Variants in IMMP2L observed in about 807,000 individuals in gnomAD.
The protein encoded by IMMP2L is mitochondrial inner membrane protease subunit 2.
A neutral mutation model predicts 19.3 loss-of-function variants in IMMP2L; 18 were observed. The observed-to-expected ratio is 0.93, with a 90% CI of 0.64 to 1.38. IMMP2L has a LOEUF of 1.38. IMMP2L is among the 40% of genes most tolerant of loss of function. IMMP2L has a pLI of 0.00. For synonymous variants in IMMP2L, 76 were observed against 73.0 expected (o/e 1.04, Z -0.21); for missense variants, 233 against 218.2 (o/e 1.07, Z -0.43).
At chr7:110,839,582 G>A (rs568367152) in intron 5 of IMMP2L, among the ~76,000 whole-genome samples, 21 of 152,102 alleles carry the variant, frequency 1.4e-4, no homozygotes, top group Non-Finnish European at 2.9e-4. Context: ...ATTTGAGACA[G>A]TGCAATGAAG....
chr7:111,503,660 T>C (rs1844555920), intron 2 of IMMP2L, among the ~76,000 whole-genome samples: 1 of 152,134 alleles, frequency 6.6e-6, no homozygotes, highest in African/African-American at 2.4e-5. Context: ...GAAAGGCTAG[T>C]TCAACATACA....
chr7:111,425,121 G>A (rs1835938827), intron 3 of IMMP2L, among the ~76,000 whole-genome samples: 1 of 151,684 alleles, frequency 6.6e-6, no homozygotes, highest in Admixed American at 6.6e-5. Context: ...TGTTTATTTA[G>A]GGATTGCTTC....
intron 5 of IMMP2L, among the ~76,000 whole-genome samples, chr7:110,832,879 T>C (rs1316795473): frequency 5.3e-5 from 8 of 152,164 alleles, no homozygotes; most frequent in Non-Finnish European, 8.8e-5. Context: ...ATTCTGAGAA[T>C]GCATTTAGGT....
chr7:111,094,293 T>C (rs919202100), intron 3 of IMMP2L, among the ~76,000 whole-genome samples: 5 of 152,098 alleles, frequency 3.3e-5, no homozygotes, highest in Non-Finnish European at 5.9e-5. Flanking sequence ...TAGCAGCCCC[T>C]GAAAATGGGC....
intron 2 of IMMP2L, among the ~76,000 whole-genome samples, chr7:111,515,782 G>A (rs558990134): frequency 6.6e-6 from 1 of 151,798 alleles, no homozygotes; most frequent in East Asian, 1.9e-4. Flanking sequence ...CAACCTGAGC[G>A]GCACAGTTTA....
chr7:110,965,275 T>G (rs1819412892), intron 3 of IMMP2L, among the ~76,000 whole-genome samples: 1 of 152,040 alleles, frequency 6.6e-6, no homozygotes, highest in Non-Finnish European at 1.5e-5. Context: ...CATTTTGAAT[T>G]GAAGTACTTT....
intron 3 of IMMP2L, among the ~76,000 whole-genome samples, chr7:111,445,630 G>GAT (rs1838278467): frequency 6.6e-6 from 1 of 152,132 alleles, no homozygotes; most frequent in African/African-American, 2.4e-5. Context: ...CAGATTACAT[G>GAT]ATCCCTTTTA....
chr7:110,915,740 T>TGTAC (rs1379785847), intron 4 of IMMP2L, among the ~76,000 whole-genome samples: 1 of 152,136 alleles, frequency 6.6e-6, no homozygotes, highest in Non-Finnish European at 1.5e-5. Context: ...ACACTTTGAA[T>TGTAC]GTACATAACT....
chr7:111,133,667 G>A (rs566395331), intron 3 of IMMP2L, among the ~76,000 whole-genome samples: 10 of 152,048 alleles, frequency 6.6e-5, no homozygotes, highest in East Asian at 3.9e-4. Context: ...ACAAAGATTC[G>A]TTTGTCATAT....
At chr7:111,504,636 G>T (rs905984094) in intron 2 of IMMP2L, among the ~76,000 whole-genome samples, 10 of 152,096 alleles carry the variant, frequency 6.6e-5, no homozygotes, top group Non-Finnish European at 1.3e-4. Context: ...ATAGATTAAT[G>T]GAACAGAACA....
chr7:110,919,867 G>A (rs561764017), intron 4 of IMMP2L, among the ~76,000 whole-genome samples: 12 of 152,228 alleles, frequency 7.9e-5, no homozygotes, highest in African/African-American at 2.6e-4. Context: ...ACTGGGAGAG[G>A]CAGACCCATC....
chr7:111,140,539 A>G (rs527510973), intron 3 of IMMP2L, among the ~76,000 whole-genome samples: 13 of 152,232 alleles, frequency 8.5e-5, no homozygotes, highest in Non-Finnish European at 1.2e-4. Context: ...TCACTGTTGA[A>G]TAAACTTTGT....
At chr7:111,510,594 C>T (rs1232549916) in intron 2 of IMMP2L, among the ~76,000 whole-genome samples, 1 of 152,128 alleles carries the variant, frequency 6.6e-6, no homozygotes, top group Non-Finnish European at 1.5e-5. Context: ...ATACCTCCTC[C>T]AGCCAGCATA....
intron 3 of IMMP2L, among the ~76,000 whole-genome samples, chr7:111,352,696 G>A (rs1022734890): frequency 6.6e-6 from 1 of 151,996 alleles, no homozygotes; most frequent in African/African-American, 2.4e-5. Context: ...TGAGGGTTAC[G>A]TGGTGAGGGA....
At chr7:111,243,840 A>G (rs865805039) in intron 3 of IMMP2L, among the ~76,000 whole-genome samples, 211 of 14,326 alleles carry the variant, frequency 0.015, no homozygotes, top group Non-Finnish European at 0.019. Flanking sequence ...TACAAAGGAT[A>G]TGAACTCATC....
chr7:111,256,100 T>G (rs536250373), intron 3 of IMMP2L, among the ~76,000 whole-genome samples: 1 of 152,204 alleles, frequency 6.6e-6, no homozygotes, highest in East Asian at 1.9e-4. Context: ...GGGAAGTATT[T>G]TTATTTAAAA....
intron 2 of IMMP2L, among the ~76,000 whole-genome samples, chr7:111,496,396 C>G (rs949351536): frequency 6.6e-6 from 1 of 152,104 alleles, no homozygotes; most frequent in African/African-American, 2.4e-5. Flanking sequence ...GTCAACTTGA[C>G]TAGATTAAGG....
At chr7:111,299,829 G>T (rs1430199397) in intron 3 of IMMP2L, among the ~76,000 whole-genome samples, 2 of 151,724 alleles carry the variant, frequency 1.3e-5, no homozygotes, top group African/African-American at 4.8e-5. Flanking sequence ...TCTAGCCAGG[G>T]CCCATTTTAA....
At chr7:111,243,126 T>C (rs1365086532) in intron 3 of IMMP2L, among the ~76,000 whole-genome samples, 1 of 152,140 alleles carries the variant, frequency 6.6e-6, no homozygotes, top group Non-Finnish European at 1.5e-5. Context: ...GTAGTTGTTT[T>C]GAGAAGAAAC....
Sources: allele counts gnomAD v4.1 joint callset (sites outside exome capture counted in the v4.1 genomes callset), GRCh38; gene constraint gnomAD v4.1.1; transcripts MANE v1.5; gene names NCBI Gene and HGNC (gene_info 2026-07-23, HGNC 2026-07-21).